The following JPH3 variants were observed in gnomAD, a reference collection of about 807,000 sequenced individuals.
JPH3 encodes the protein junctophilin 3.
A neutral mutation model predicts 59.6 loss-of-function variants in JPH3; 11 were observed. The ratio of observed to expected loss-of-function variants is 0.18; its 90% CI spans 0.12 to 0.31. JPH3 has a LOEUF of 0.31. Among genes scored for constraint, JPH3 ranks in the 10% least tolerant of loss-of-function variants. JPH3 has a pLI of 1.00. For synonymous variants in JPH3, 673 were observed against 483.6 expected (o/e 1.39, Z -5.14); for missense variants, 1,202 against 1,105.7 (o/e 1.09, Z -1.24).
At chr16:87,693,104 A>G (rs1179794701) in intron 4 of JPH3, among the ~76,000 whole-genome samples, 1 of 152,248 alleles carries the variant, frequency 6.6e-6, no homozygotes, top group Non-Finnish European at 1.5e-5. Context: ...TGAGGCCACG[A>G]TGCCACGGAA....
intron 1 of JPH3, among the ~76,000 whole-genome samples, chr16:87,635,870 C>T (rs984238793): frequency 2.0e-5 from 3 of 152,168 alleles, no homozygotes; most frequent in Non-Finnish European, 2.9e-5. Flanking sequence ...GAGGCAGCAC[C>T]GACATCCACT....
intron 4 of JPH3, chr16:87,695,441 AG>A (rs1180440419): frequency 8.8e-6 from 4 of 455,870 alleles, no homozygotes; most frequent in African/African-American, 2.0e-5. Context: ...TCTGCGTGGT[AG>A]GAAGTGGAGG....
rs144628082 is a variant in JPH3 at position 87,644,772 on chromosome 16, C to G, written c.897C>G (p.Gly299=). The G allele has an allele frequency of 7.4e-6, 12 of 1,613,266 alleles. No homozygotes were observed. Among genetic ancestry groups the G allele is most frequent in the African/African-American group, 1.3e-5 (1 of 74,886 alleles). The change falls in exon 2 of 5, where the codon GGC becomes GGG. Residue 299 remains glycine, a synonymous_variant. Transcript: ENST00000284262. ...VGEWKNDKRS[G]FGVSQRSDGL... ...AGTGGAAGAACGACAAACGCTCCGGCTTCGGCGTGAGCCAGCGCTCGGACG... is the reference window on the plus strand; with the variant it reads ...AGTGGAAGAACGACAAACGCTCCGGGTTCGGCGTGAGCCAGCGCTCGGACG...
At chr16:87,625,737 TGAA>T (rs1223874972) in intron 1 of JPH3, among the ~76,000 whole-genome samples, 2 of 152,090 alleles carry the variant, frequency 1.3e-5, no homozygotes, top group African/African-American at 4.8e-5. Context: ...GTTCAAGGGC[TGAA>T]GAAGTGACCC....
At chr16:87,614,501 G>T (rs553992741) in intron 1 of JPH3, among the ~76,000 whole-genome samples, 1 of 106,260 alleles carries the variant, frequency 9.4e-6, no homozygotes, top group Admixed American at 9.4e-5. Flanking sequence ...CGCGTCCCCC[G>T]CAGGATAAAC....
At chr16:87,604,376 C>T (rs2030425363) in intron 1 of JPH3, 2 of 1,436,806 alleles carry the variant, frequency 1.4e-6, no homozygotes, top group Non-Finnish European at 1.8e-6. Flanking sequence ...TGCAGCTGCC[C>T]GCCTGCCTGG....
At chr16:87,673,898 T>A (rs1388927285) in intron 2 of JPH3, among the ~76,000 whole-genome samples, 1 of 151,356 alleles carries the variant, frequency 6.6e-6, no homozygotes, top group Non-Finnish European at 1.5e-5. Flanking sequence ...TGTACTCCAG[T>A]CTGGGTGACA....
At position 87,650,845 on chromosome 16, in the gene JPH3, C is replaced by T. The variant is rs79059695; in HGVS notation, c.1160+5810C>T. 4.4e-3 allele frequency among the ~76,000 whole-genome samples: 664 copies of T among 152,318 alleles called. 4 individuals carry two copies. Among genetic ancestry groups the T allele is most frequent in the Admixed American group, 7.3e-3 (112 of 15,304 alleles). On this transcript the variant is annotated intron_variant, in intron 2 of 4. Coordinates refer to ENST00000284262, the MANE Select transcript of JPH3 (RefSeq NM_020655.4). Reference sequence around the variant, plus strand: ...TTAAGGAAAGAAGCCGCTTCCAGAACATAAAGTGCAAGGTGAGGGAGCAGG... The same window carrying T: ...TTAAGGAAAGAAGCCGCTTCCAGAATATAAAGTGCAAGGTGAGGGAGCAGG...
At chr16:87,659,471 C>A (rs1019612749) in intron 2 of JPH3, among the ~76,000 whole-genome samples, 1 of 151,436 alleles carries the variant, frequency 6.6e-6, no homozygotes, top group Admixed American at 6.6e-5. Context: ...CGCCTATAAT[C>A]CCAGCACTGG....
intron 1 of JPH3, among the ~76,000 whole-genome samples, chr16:87,620,486 G>GGAGAGAAGGAGAGGAGAGAGC (rs147963320): frequency 7.4e-6 from 1 of 134,798 alleles, no homozygotes; most frequent in Non-Finnish European, 1.6e-5. Context: ...GAGAAGAGAG[G>GGAGAGAAGGAGAGGAGAGAGC]GAGAGGGGGA....
At chr16:87,623,952 A>T (rs886208263) in intron 1 of JPH3, among the ~76,000 whole-genome samples, 4 of 152,174 alleles carry the variant, frequency 2.6e-5, no homozygotes, top group African/African-American at 9.7e-5. Flanking sequence ...TTGCCATTAA[A>T]CATGGCCTTG....
intron 1 of JPH3, among the ~76,000 whole-genome samples, chr16:87,625,453 C>T (rs1022696246): frequency 3.9e-5 from 6 of 152,218 alleles, no homozygotes; most frequent in Admixed American, 3.3e-4. Flanking sequence ...CCTGAGAGGT[C>T]TGAACCCTGC....
intron 2 of JPH3, among the ~76,000 whole-genome samples, chr16:87,683,731 C>T (rs1223545773): frequency 3.3e-5 from 5 of 152,138 alleles, no homozygotes; most frequent in African/African-American, 7.2e-5. Flanking sequence ...CTCAGTGTCC[C>T]GAGTAGCTGG....
rs192021702 is a variant in JPH3, at chr16:87,646,028, G to C, written c.1160+993G>C. Among the ~76,000 whole-genome samples the C allele has an allele frequency of 1.5e-3, 224 of 152,356 alleles. 1 individual carries two copies. The highest frequency in any genetic ancestry group is 2.5e-3 in the Admixed American group (39 of 15,312). On this transcript the variant is annotated intron_variant, in intron 2 of 4. Transcript: ENST00000284262. Reference sequence around the variant, plus strand: ...CCCTTGGGGTAGCCCGGAGAGTCTTGGGGCAGGGATCTGGGAGCTGCGGGG... The same window carrying C: ...CCCTTGGGGTAGCCCGGAGAGTCTTCGGGCAGGGATCTGGGAGCTGCGGGG...
At chr16:87,620,299 G>A (rs1301806469) in intron 1 of JPH3, among the ~76,000 whole-genome samples, 1 of 151,212 alleles carries the variant, frequency 6.6e-6, no homozygotes, top group South Asian at 2.1e-4. Flanking sequence ...TGGGGCTGCA[G>A]CGACAGTGAC....
intron 1 of JPH3, among the ~76,000 whole-genome samples, chr16:87,642,153 T>A (rs1425144070): frequency 1.3e-5 from 2 of 151,342 alleles, no homozygotes; most frequent in East Asian, 3.9e-4. Flanking sequence ...GACGGACAGG[T>A]CACTTGAGGC....
At chr16:87,684,297 G>A (rs201744670) in intron 3 of JPH3, 31 bp downstream of exon 3, 14 of 1,611,366 alleles carry the variant, frequency 8.7e-6, no homozygotes, top group Admixed American at 8.4e-5. Context: ...TACTGGCATC[G>A]TGGGGAGGGG....
intron 1 of JPH3, among the ~76,000 whole-genome samples, chr16:87,630,763 T>C (rs1329333984): frequency 6.6e-6 from 1 of 152,168 alleles, no homozygotes; most frequent in Non-Finnish European, 1.5e-5. Flanking sequence ...TGTTTGCCGC[T>C]TCCTGAGCTC....
At chr16:87,675,824 A>C (rs6540068) in intron 2 of JPH3, among the ~76,000 whole-genome samples, 1 of 152,000 alleles carries the variant, frequency 6.6e-6, no homozygotes, top group Non-Finnish European at 1.5e-5. Flanking sequence ...GAGGACCACT[A>C]TTCCTCACCT....
Sources: gnomAD v4.1 joint callset for allele counts (sites outside exome capture counted in the v4.1 genomes callset) on GRCh38, gnomAD v4.1.1 for gene constraint, MANE v1.5 for transcripts, NCBI Gene and HGNC (gene_info 2026-07-23, HGNC 2026-07-21) for gene names.